The following TENM3 variants were observed in gnomAD, a reference collection of about 807,000 sequenced individuals.
The protein encoded by TENM3 is teneurin-3.
A neutral mutation model predicts 255.1 loss-of-function variants in TENM3; 63 were observed. The ratio of observed to expected loss-of-function variants is 0.25; its 90% CI spans 0.20 to 0.30. TENM3 has a LOEUF of 0.30. Among genes scored for constraint, TENM3 ranks in the 10% least tolerant of loss-of-function variants. TENM3 has a pLI of 1.00. For synonymous variants in TENM3, 1,306 were observed against 1,322.3 expected (o/e 0.99, Z 0.27); for missense variants, 2,929 against 3,461.1 (o/e 0.85, Z 3.86).
chr4:181,952,694 G>A, the TENM3 span, among the ~76,000 whole-genome samples: 1 of 152,232 alleles, frequency 6.6e-6, no homozygotes, highest in East Asian at 1.9e-4. Flanking sequence ...CAGTGCAGAG[G>A]ACACGTGAGA....
chr4:181,938,040 T>C, the TENM3 span, among the ~76,000 whole-genome samples: 8 of 152,292 alleles, frequency 5.3e-5, no homozygotes, highest in East Asian at 1.4e-3. Context: ...CCTTGCCGAT[T>C]CTCAGTTTTT....
chr4:181,930,644 A>G, the TENM3 span, among the ~76,000 whole-genome samples: 2 of 152,082 alleles, frequency 1.3e-5, no homozygotes, highest in Admixed American at 6.6e-5. Context: ...AGAAAAAAAG[A>G]GACTCCTCCC....
intron 11 of TENM3, among the ~76,000 whole-genome samples, chr4:182,684,804 T>A (rs907949888): frequency 6.6e-6 from 1 of 152,240 alleles, no homozygotes; most frequent in East Asian, 1.9e-4. Flanking sequence ...GTGAAAGTTA[T>A]GAAATGCAAA....
chr4:182,497,641 T>A (rs1735903335), intron 3 of TENM3, among the ~76,000 whole-genome samples: 1 of 152,126 alleles, frequency 6.6e-6, no homozygotes, highest in Non-Finnish European at 1.5e-5. Flanking sequence ...AGAGGACTAA[T>A]CATAGGCAAC....
At chr4:182,150,002 A>G (rs1422252155) in intron 1 of TENM3, among the ~76,000 whole-genome samples, 1 of 152,106 alleles carries the variant, frequency 6.6e-6, no homozygotes, top group African/African-American at 2.4e-5. Flanking sequence ...TATAAAAGTC[A>G]TGGGATACAA....
chr4:182,662,383 A>C (rs1328376748), intron 6 of TENM3, among the ~76,000 whole-genome samples: 2 of 152,152 alleles, frequency 1.3e-5, no homozygotes. Context: ...TCAAGATGAT[A>C]CCCTATTGTG....
At chr4:182,354,205 A>G (rs1765373267) in intron 3 of TENM3, among the ~76,000 whole-genome samples, 1 of 152,210 alleles carries the variant, frequency 6.6e-6, no homozygotes, top group South Asian at 2.1e-4. Context: ...TTTTTGTTAA[A>G]GTATACAGAA....
At chr4:182,291,531 C>T (rs973736336) in intron 1 of TENM3, among the ~76,000 whole-genome samples, 1 of 152,130 alleles carries the variant, frequency 6.6e-6, no homozygotes, top group Non-Finnish European at 1.5e-5. Context: ...GCCTGTACCT[C>T]GTCACATCAG....
chr4:182,519,200 T>TA (rs1738307863), intron 3 of TENM3, among the ~76,000 whole-genome samples: 1 of 152,238 alleles, frequency 6.6e-6, no homozygotes, highest in Admixed American at 6.5e-5. Context: ...CAATTATTGT[T>TA]ATGTATTGAT....
rs562246706 is a variant in TENM3 at position 182,802,596 on chromosome 4, C to T, written c.*2245C>T. ...CGTGGACTGGTCTTCACTCGGGCAC[C>T]GATAAATAACAGATTTGGAGTATCT... On this transcript the variant is annotated 3_prime_UTR_variant, in exon 28 of 28. Coordinates refer to ENST00000511685, the MANE Select transcript of TENM3 (RefSeq NM_001080477.4). 2.6e-4 allele frequency: 40 copies of T among 152,574 alleles called. No homozygotes were observed. The highest frequency in any genetic ancestry group is 8.9e-4 in the African/African-American group (37 of 41,464). 9.5% of individuals were successfully genotyped at this position (152,574 alleles called of 1,614,324 possible).
chr4:182,348,972 G>A (rs1389440338), intron 3 of TENM3, among the ~76,000 whole-genome samples: 1 of 152,172 alleles, frequency 6.6e-6, no homozygotes, highest in Non-Finnish European at 1.5e-5. Flanking sequence ...CTTGTTCTTA[G>A]AGTGATGTAA....
chr4:182,582,431 C>T (rs1745575444), intron 3 of TENM3, among the ~76,000 whole-genome samples: 1 of 152,230 alleles, frequency 6.6e-6, no homozygotes, highest in Admixed American at 6.5e-5. Context: ...TGAGATTAAA[C>T]AGGATAGTGC....
the TENM3 span, among the ~76,000 whole-genome samples, chr4:181,646,064 C>T: frequency 1.3e-5 from 2 of 152,210 alleles, no homozygotes; most frequent in African/African-American, 4.8e-5. Flanking sequence ...GCATTAAACC[C>T]TCCAACATGC....
At chr4:182,390,170 C>T (rs1162652124) in intron 3 of TENM3, among the ~76,000 whole-genome samples, 4 of 152,124 alleles carry the variant, frequency 2.6e-5, no homozygotes, top group African/African-American at 7.2e-5. Context: ...GCCAGCTGTT[C>T]CTTAGTTCAG....
At position 182,680,608 on chromosome 4, in the gene TENM3, G is replaced by A. The variant is rs184821810; in HGVS notation, c.1705G>A (p.Gly569Ser). The A allele has an allele frequency of 1.9e-3, 3,021 of 1,613,782 alleles. 80 individuals carry two copies. The Admixed American group carries it at 0.041, about 22-fold the overall frequency. Residue 569 changes from glycine to serine, a missense_variant, in exon 10 of 28, where the codon GGC (glycine) becomes AGC (serine). Coordinates refer to ENST00000511685, the MANE Select transcript of TENM3 (RefSeq NM_001080477.4). The part of the protein sequence containing the change: ...YSKGRCLCFS[G>S]WKGTECDVPT... ...CAAGGGCCGCTGCCTGTGTTTCAGCGGCTGGAAGGGCACCGAGTGTGATGT... is the reference window on the plus strand; with the variant it reads ...CAAGGGCCGCTGCCTGTGTTTCAGCAGCTGGAAGGGCACCGAGTGTGATGT...
intron 7 of TENM3, among the ~76,000 whole-genome samples, chr4:182,676,270 C>T (rs1418118989): frequency 6.6e-6 from 1 of 152,196 alleles, no homozygotes. Flanking sequence ...TTCTCCTGGT[C>T]AGTTAGTGGC....
the TENM3 span, among the ~76,000 whole-genome samples, chr4:181,612,451 T>C: frequency 6.6e-6 from 1 of 151,750 alleles, no homozygotes; most frequent in Non-Finnish European, 1.5e-5. Context: ...AACACCTAAT[T>C]AGAAACAGCT....
chr4:181,745,053 G>A, the TENM3 span, among the ~76,000 whole-genome samples: 14 of 152,144 alleles, frequency 9.2e-5, no homozygotes, highest in Admixed American at 5.2e-4. Flanking sequence ...GGGTAAAATC[G>A]TGAAAGGAGT....
At chr4:181,615,169 AGACTTACTAG>A in the TENM3 span, among the ~76,000 whole-genome samples, 1 of 152,216 alleles carries the variant, frequency 6.6e-6, no homozygotes, top group South Asian at 2.1e-4. Flanking sequence ...TTTATTTTCA[AGACTTACTAG>A]GACTGGGTGG....
Sources: gnomAD v4.1 joint callset for allele counts (sites outside exome capture counted in the v4.1 genomes callset) on GRCh38, gnomAD v4.1.1 for gene constraint, MANE v1.5 for transcripts, NCBI Gene and HGNC (gene_info 2026-07-23, HGNC 2026-07-21) for gene names.